Variants in UMAD1 observed in about 807,000 individuals in gnomAD.
UMAD1 encodes UBAP1-MVB12-associated (UMA)-domain containing protein 1.
In UMAD1, 8 loss-of-function variants were observed where a neutral mutation model predicts 6.1. That is an observed-to-expected ratio of 1.30 (90% CI 0.76 to 2.35). The LOEUF is 2.35. Among genes scored for constraint, UMAD1 ranks in the 30% most tolerant of loss-of-function variants. The probability of loss-of-function intolerance (pLI) is 0.00; values close to 1 mark genes in which losing one functional copy is unlikely to be tolerated. For missense variants in UMAD1, 130 were observed against 78.4 expected, an observed-to-expected ratio of 1.66 and a Z score of -2.49; for synonymous variants, 56 against 31.4, an observed-to-expected ratio of 1.78 and a Z score of -2.61.
chr7:7,680,689 T>C (rs1455998402), intron 2 of UMAD1, among the ~76,000 whole-genome samples: 2 of 95,158 alleles, frequency 2.1e-5, no homozygotes, highest in Non-Finnish European at 4.9e-5. Flanking sequence ...TATCTTTCCA[T>C]TTTTTTTTAT....
chr7:7,875,419 T>A (rs1257802504), intron 3 of UMAD1, among the ~76,000 whole-genome samples: 1 of 152,016 alleles, frequency 6.6e-6, no homozygotes. Context: ...TTTTGAAAGA[T>A]TAACAAAATA....
chr7:7,858,032 T>C (rs1215172753), intron 3 of UMAD1, among the ~76,000 whole-genome samples: 2 of 152,208 alleles, frequency 1.3e-5, no homozygotes, highest in African/African-American at 4.8e-5. Context: ...AGTTAGACGG[T>C]GTGACTTCTC....
chr7:7,827,272 T>C (rs1783365321), intron 3 of UMAD1, among the ~76,000 whole-genome samples: 1 of 151,850 alleles, frequency 6.6e-6, no homozygotes, highest in African/African-American at 2.4e-5. Flanking sequence ...GACTAAATTC[T>C]ATAGGAAAAA....
chr7:7,831,618 C>T (rs888309877), intron 3 of UMAD1, among the ~76,000 whole-genome samples: 1 of 152,100 alleles, frequency 6.6e-6, no homozygotes, highest in Non-Finnish European at 1.5e-5. Flanking sequence ...CTTGAGTCAG[C>T]GTTGAGAGCC....
At chr7:7,651,011 G>C (rs1224255881) in intron 1 of UMAD1, among the ~76,000 whole-genome samples, 1 of 152,158 alleles carries the variant, frequency 6.6e-6, no homozygotes, top group Non-Finnish European at 1.5e-5. Flanking sequence ...GGTACAAAAA[G>C]CCAGGTGCAT....
intron 3 of UMAD1, among the ~76,000 whole-genome samples, chr7:7,803,918 G>A (rs1782854867): frequency 6.6e-6 from 1 of 152,186 alleles, no homozygotes; most frequent in African/African-American, 2.4e-5. Flanking sequence ...CATTGGAAAT[G>A]TCTGCAGAAC....
chr7:7,866,626 G>A lies in UMAD1; in HGVS notation c.157-10655G>A, dbSNP rs115532375. 2.8e-3 allele frequency among the ~76,000 whole-genome samples: 428 copies of A among 152,306 alleles called. 1 individual carries two copies. Among genetic ancestry groups the A allele is most frequent in the African/African-American group, 9.6e-3 (398 of 41,544 alleles). On this transcript the variant is annotated intron_variant, in intron 3 of 3. Coordinates refer to ENST00000682710, the MANE Select transcript of UMAD1 (RefSeq NM_001302348.2). The stretch of plus-strand genomic sequence containing the variant: ...CATACATGTCTACTTTTGAGGGAGT[G>A]GAAAGCAGTAGGCACCATGAAAAGG...
intron 2 of UMAD1, among the ~76,000 whole-genome samples, chr7:7,779,561 G>A (rs147036344): frequency 4.6e-5 from 7 of 152,146 alleles, no homozygotes; most frequent in African/African-American, 1.7e-4. Flanking sequence ...CCACTTTAAA[G>A]TACTGAAATT....
intron 2 of UMAD1, among the ~76,000 whole-genome samples, chr7:7,707,197 T>C (rs188768980): frequency 5.0e-4 from 76 of 152,324 alleles, no homozygotes; most frequent in Admixed American, 1.2e-3. Flanking sequence ...CCTGTGTGAA[T>C]ACTGGTCTGT....
intron 2 of UMAD1, among the ~76,000 whole-genome samples, chr7:7,716,243 T>A (rs1462992808): frequency 6.6e-6 from 1 of 152,126 alleles, no homozygotes; most frequent in African/African-American, 2.4e-5. Context: ...ACAGCTTGAA[T>A]CAGGATTCGA....
intron 2 of UMAD1, among the ~76,000 whole-genome samples, chr7:7,761,709 C>T (rs764124075): frequency 2.0e-5 from 3 of 152,190 alleles, no homozygotes; most frequent in Non-Finnish European, 4.4e-5. Context: ...TGGAAAGACA[C>T]TCATCTTATT....
At chr7:7,784,213 G>C (rs1171684164) in intron 2 of UMAD1, among the ~76,000 whole-genome samples, 1 of 151,996 alleles carries the variant, frequency 6.6e-6, no homozygotes, top group African/African-American at 2.4e-5. Context: ...TATTAAATCA[G>C]CAAAATCATT....
intron 2 of UMAD1, among the ~76,000 whole-genome samples, chr7:7,734,448 T>C (rs747788713): frequency 5.9e-5 from 9 of 152,218 alleles, no homozygotes; most frequent in Non-Finnish European, 1.2e-4. Context: ...TTAATACTTT[T>C]GAAATTATCT....
intron 2 of UMAD1, among the ~76,000 whole-genome samples, chr7:7,702,387 T>C (rs1219256404): frequency 6.6e-6 from 1 of 152,194 alleles, no homozygotes; most frequent in Non-Finnish European, 1.5e-5. Flanking sequence ...TATTATCTCT[T>C]ATTTTTTAAA....
At chr7:7,782,329 T>A (rs189664167) in intron 2 of UMAD1, among the ~76,000 whole-genome samples, 251 of 152,238 alleles carry the variant, frequency 1.6e-3, no homozygotes, top group African/African-American at 5.7e-3. Flanking sequence ...TTGGATCACT[T>A]TAGTGATTCT....
At chr7:7,761,641 A>T (rs867841331) in intron 2 of UMAD1, among the ~76,000 whole-genome samples, 1 of 152,254 alleles carries the variant, frequency 6.6e-6, no homozygotes, top group Non-Finnish European at 1.5e-5. Context: ...TAGTGACATT[A>T]ATAGAACTAG....
intron 3 of UMAD1, among the ~76,000 whole-genome samples, chr7:7,824,801 C>G (rs1783308898): frequency 6.6e-6 from 1 of 152,134 alleles, no homozygotes; most frequent in Non-Finnish European, 1.5e-5. Context: ...AGGTAAATTT[C>G]ATCCTGTTAA....
At chr7:7,646,480 A>ATTTTTTTTTTTTTTTTTTTTTTT (rs35948027) in intron 1 of UMAD1, among the ~76,000 whole-genome samples, 1 of 111,360 alleles carries the variant, frequency 9.0e-6, no homozygotes. Flanking sequence ...CTTTCGCTGG[A>ATTTTTTTTTTTTTTTTTTTTTTT]TTTTTTTTTT....
In UMAD1 at chr7:7,675,586, A is replaced by G. The variant is rs146514053; in HGVS notation, c.82+2133A>G. Among the ~76,000 whole-genome samples, 618 of 152,288 alleles carry G rather than the reference A, an allele frequency of 4.1e-3. 2 individuals carry two copies. The highest frequency in any genetic ancestry group is 6.6e-3 in the Non-Finnish European group (446 of 68,022). On this transcript the variant is annotated intron_variant, in intron 2 of 3. Transcript: ENST00000682710. ...TTAACTGAGCCTCAGAAGGCACACA[A>G]ACTTCCAAATTTCGTATTTTAAGAA...
Sources: gnomAD v4.1 joint callset for allele counts (sites outside exome capture counted in the v4.1 genomes callset) on GRCh38, gnomAD v4.1.1 for gene constraint, MANE v1.5 for transcripts, NCBI Gene and HGNC (gene_info 2026-07-23, HGNC 2026-07-21) for gene names.